Variants in LGALS9 observed in about 807,000 individuals in gnomAD.
LGALS9 encodes galectin 9, also known as galectin-9.
In LGALS9, 26 loss-of-function variants were observed where a neutral mutation model predicts 35.9. The ratio of observed to expected loss-of-function variants is 0.72; its 90% confidence interval spans 0.53 to 1.01. The LOEUF is 1.01. LGALS9 is among the 50% of genes least tolerant of loss of function. The pLI is 0.00. For missense variants in LGALS9, 347 were observed against 445.8 expected, an observed-to-expected ratio of 0.78 and a Z score of 1.99; for synonymous variants, 149 against 172.2, an observed-to-expected ratio of 0.87 and a Z score of 1.06.
At chr17:27,632,647 C>T (rs576567080) in intron 1 of LGALS9, among the ~76,000 whole-genome samples, 2 of 152,350 alleles carry the variant, frequency 1.3e-5, no homozygotes, top group African/African-American at 4.8e-5. Context: ...CCCAGAGCTT[C>T]TTCCAGGTTC....
intron 3 of LGALS9, 80 bp from the exon 4 acceptor site, chr17:27,642,158 A>G (rs1305885522): frequency 6.4e-7 from 1 of 1,554,670 alleles, no homozygotes; most frequent in Non-Finnish European, 8.7e-7. Flanking sequence ...CATTTTCTAG[A>G]AAGAGGGTCC....
chr17:27,638,713 G>A, intron 2 of LGALS9: 1 of 344,038 alleles, frequency 2.9e-6, no homozygotes, highest in Admixed American at 4.3e-5. Flanking sequence ...CATCCACTCT[G>A]AAGCTCTCCT....
chr17:27,637,765 G>A (rs1211054693), intron 1 of LGALS9, among the ~76,000 whole-genome samples: 4 of 152,178 alleles, frequency 2.6e-5, no homozygotes, highest in Admixed American at 2.0e-4. Context: ...CGGGTGAGTC[G>A]AAGGTTTACC....
rs764943509 is a variant in LGALS9, at chr17:27,632,821, C to T, written c.39+1517C>T. Reference sequence around the variant, plus strand: ...GTGTCCAGAGTACCCCTCTACCCCACGGGGGCTCCCCTGGGTTGGGACAAT... The same window carrying T: ...GTGTCCAGAGTACCCCTCTACCCCATGGGGGCTCCCCTGGGTTGGGACAAT... On this transcript the variant is annotated intron_variant, in intron 1 of 10. Coordinates refer to ENST00000395473, the MANE Select transcript of LGALS9 (RefSeq NM_009587.3). Among the ~76,000 whole-genome samples the T allele has an allele frequency of 4.0e-4, 61 of 152,346 alleles. 1 individual carries two copies. The highest frequency in any genetic ancestry group is 6.8e-3 in the Middle Eastern group (2 of 294).
chr17:27,635,208 T>C (rs937901275), intron 1 of LGALS9, among the ~76,000 whole-genome samples: 2 of 152,140 alleles, frequency 1.3e-5, no homozygotes, highest in Non-Finnish European at 2.9e-5. Flanking sequence ...CTTGGCCCTT[T>C]GGGAGGCCGA....
chr17:27,649,083 A>G lies in LGALS9; in HGVS notation c.*101A>G. 1 of 1,566,396 alleles carries G rather than the reference A, an allele frequency of 6.4e-7. No individual in the cohort carries two copies. Among genetic ancestry groups the G allele is most frequent in the Admixed American group, 1.7e-5 (1 of 58,078 alleles). ...CCCAGCCTTTCCAACCCTGCCTGGG[A>G]TCTGGGCTTTAATGCAGAGGCCATG... On this transcript the variant is annotated 3_prime_UTR_variant, in exon 11 of 11. Coordinates refer to ENST00000395473, the MANE Select transcript of LGALS9 (RefSeq NM_009587.3).
Position 27,648,818 on chromosome 17 carries a change from G to A in LGALS9, c.922-18G>A, listed in dbSNP as rs775755974. On this transcript the variant is annotated intron_variant, in intron 10 of 10. Coordinates refer to ENST00000395473, the MANE Select transcript of LGALS9 (RefSeq NM_009587.3). The stretch of plus-strand genomic sequence containing the variant: ...AGGACTTCCCAAGTGTAGTGCAAAC[G>A]GCATGATCTCTGCACAGGTGTGGAT... 1.9e-5 allele frequency: 30 copies of A among 1,613,308 alleles called. No homozygotes were observed. Among genetic ancestry groups the A allele is most frequent in the South Asian group, 5.5e-5 (5 of 91,044 alleles).
At chr17:27,635,760 G>A (rs2074442901) in intron 1 of LGALS9, among the ~76,000 whole-genome samples, 1 of 152,184 alleles carries the variant, frequency 6.6e-6, no homozygotes, top group African/African-American at 2.4e-5. Flanking sequence ...TATTTTCAGT[G>A]TTGTGTCTCA....
rs1598192981 is a variant in LGALS9, at chr17:27,649,480, C to G, written c.*498C>G. 6.8e-5 allele frequency: 13 copies of G among 191,752 alleles called. 1 individual carries two copies. The South Asian group carries it at 1.3e-3, about 19-fold the overall frequency. 11.9% of individuals were successfully genotyped at this position (191,752 alleles called of 1,614,324 possible). On this transcript the variant is annotated 3_prime_UTR_variant, in exon 11 of 11. Transcript: ENST00000395473. ...CTTCCCACTGGCCTCCACCACCTGA[C>G]CAGAGTGTTCTCTTCAGAGGACTGG...
chr17:27,643,792 A>G (rs977029487), intron 5 of LGALS9, among the ~76,000 whole-genome samples, 172 bp downstream of exon 5: 6 of 152,090 alleles, frequency 3.9e-5, no homozygotes, highest in African/African-American at 1.4e-4. Context: ...CCTGGGGGTC[A>G]CCCTGGATTC....
chr17:27,639,877 C>CA (rs1904341263), intron 2 of LGALS9, among the ~76,000 whole-genome samples: 1 of 152,194 alleles, frequency 6.6e-6, no homozygotes, highest in African/African-American at 2.4e-5. Context: ...GCTGGGACTA[C>CA]AGGCTCATGC....
At chr17:27,647,799 A>G (rs1281589137) in intron 10 of LGALS9, among the ~76,000 whole-genome samples, 1 of 152,256 alleles carries the variant, frequency 6.6e-6, no homozygotes, top group Non-Finnish European at 1.5e-5. Context: ...GGGCACAGTC[A>G]TGAAGCACAC....
chr17:27,645,265 T>C (rs1361559918), intron 5 of LGALS9, 49 bp from the exon 6 acceptor site: 1 of 1,613,606 alleles, frequency 6.2e-7, no homozygotes, highest in Non-Finnish European at 8.5e-7. Context: ...CTCCTCCCAT[T>C]CTGTGGTGCC....
intron 2 of LGALS9, chr17:27,638,847 C>T (rs2074484229): frequency 8.8e-6 from 2 of 228,364 alleles, no homozygotes; most frequent in African/African-American, 4.7e-5. Flanking sequence ...GGCTGTTTCC[C>T]ACCCCCTCCT....
At chr17:27,636,718 C>A (rs1219648520) in intron 1 of LGALS9, among the ~76,000 whole-genome samples, 1 of 152,112 alleles carries the variant, frequency 6.6e-6, no homozygotes, top group African/African-American at 2.4e-5. Flanking sequence ...AGTGATCCTT[C>A]TGCCTCAGCC....
intron 1 of LGALS9, among the ~76,000 whole-genome samples, chr17:27,635,381 G>T (rs1403898599): frequency 6.6e-6 from 1 of 151,832 alleles, no homozygotes; most frequent in African/African-American, 2.4e-5. Context: ...GGAGGCTGCA[G>T]TGAACCATGA....
chr17:27,639,213 G>A (rs2074488558), intron 2 of LGALS9, among the ~76,000 whole-genome samples: 1 of 152,196 alleles, frequency 6.6e-6, no homozygotes, highest in Non-Finnish European at 1.5e-5. Context: ...ATCCTGCTGT[G>A]GGACTTCTCT....
intron 7 of LGALS9, 51 bp downstream of exon 7, chr17:27,645,962 C>G (rs775455147): frequency 1.2e-5 from 20 of 1,612,730 alleles, no homozygotes; most frequent in Non-Finnish European, 1.7e-5. Flanking sequence ...TCCTCCTTCA[C>G]CAAAAACTAA....
chr17:27,637,030 T>C (rs566192283), intron 1 of LGALS9, among the ~76,000 whole-genome samples: 1 of 152,220 alleles, frequency 6.6e-6, no homozygotes, highest in South Asian at 2.1e-4. Flanking sequence ...CTGGCTCCTT[T>C]AGGCATTTAA....
Sources: gnomAD v4.1 joint callset for allele counts (sites outside exome capture counted in the v4.1 genomes callset) on GRCh38, gnomAD v4.1.1 for gene constraint, MANE v1.5 for transcripts, NCBI Gene and HGNC (gene_info 2026-07-23, HGNC 2026-07-21) for gene names.